The following PARVA variants were observed in gnomAD, a reference collection of about 807,000 sequenced individuals.
The protein encoded by PARVA is parvin alpha.
Under a neutral mutation model 52.6 loss-of-function variants are expected in PARVA, and 25 were observed. The ratio of observed to expected loss-of-function variants is 0.48; its 90% CI spans 0.35 to 0.66. The LOEUF (loss-of-function observed/expected upper bound fraction) is 0.66, where lower values mean the gene tolerates loss of function less well. PARVA is among the 30% of genes least tolerant of loss of function. PARVA has a pLI of 0.01. For missense variants in PARVA, 373 were observed against 450.9 expected (o/e 0.83, Z 1.56); for synonymous variants, 185 against 179.1 (o/e 1.03, Z -0.26).
intron 1 of PARVA, among the ~76,000 whole-genome samples, chr11:12,439,730 CTT>C (rs1940436611): frequency 6.6e-6 from 1 of 152,202 alleles, no homozygotes; most frequent in Non-Finnish European, 1.5e-5. Flanking sequence ...CCTCCCTCTG[CTT>C]TCTCTGCCCC....
In PARVA at chr11:12,427,837, G is replaced by A. The variant is rs181269862; in HGVS notation, c.137-45908G>A. Among the ~76,000 whole-genome samples, 42 of 152,320 alleles carry A rather than the reference G, an allele frequency of 2.8e-4. No homozygotes were observed. The East Asian group carries it at 7.9e-3, about 29-fold the overall frequency. ...GTGGTTAGAAGTCAGTTGCCCTCAGGTTCTCAAACTGAGAGATGAGGAAGC... is the reference window on the plus strand; with the variant it reads ...GTGGTTAGAAGTCAGTTGCCCTCAGATTCTCAAACTGAGAGATGAGGAAGC... On this transcript the variant is annotated intron_variant, in intron 1 of 12. Transcript: ENST00000334956.
rs189460592 is a variant in PARVA, at chr11:12,395,199, A to G, written c.136+17416A>G. Among the ~76,000 whole-genome samples the G allele has an allele frequency of 3.9e-5, 6 of 152,276 alleles. No individual in the cohort carries two copies. In the East Asian group the frequency reaches 7.7e-4, roughly 20 times the overall value. On this transcript the variant is annotated intron_variant, in intron 1 of 12. Transcript: ENST00000334956. ...TCACGTTTGGTTGAAAAAAGTCCAC[A>G]TATAAGTGGGTCTTACAACTCAAAC... is the stretch of plus-strand genomic sequence containing the variant.
intron 8 of PARVA, 129 bp downstream of exon 8, chr11:12,511,662 T>C: frequency 2.1e-6 from 2 of 942,870 alleles, no homozygotes; most frequent in Non-Finnish European, 3.4e-6. Flanking sequence ...CTGGGTGACA[T>C]GGCCAATTGG....
At chr11:12,471,730 C>A (rs866266534) in intron 1 of PARVA, among the ~76,000 whole-genome samples, 2 of 152,220 alleles carry the variant, frequency 1.3e-5, no homozygotes, top group African/African-American at 4.8e-5. Flanking sequence ...CCATTGAGTA[C>A]TTGAAATGTG....
At chr11:12,511,377 C>A in intron 7 of PARVA, 137 bp from the exon 8 acceptor site, 2 of 831,594 alleles carry the variant, frequency 2.4e-6, no homozygotes, top group Non-Finnish European at 3.9e-6. Flanking sequence ...GCTTTTTGAG[C>A]TCCTCAACCA....
At chr11:12,413,599 A>G (rs1250073614) in intron 1 of PARVA, among the ~76,000 whole-genome samples, 1 of 152,252 alleles carries the variant, frequency 6.6e-6, no homozygotes, top group East Asian at 1.9e-4. Context: ...CACATTTTTA[A>G]GAAGCAGACT....
At chr11:12,407,052 A>G (rs1291282580) in intron 1 of PARVA, among the ~76,000 whole-genome samples, 1 of 152,192 alleles carries the variant, frequency 6.6e-6, no homozygotes, top group Non-Finnish European at 1.5e-5. Context: ...AGACCCTAGA[A>G]TATATTCATT....
In PARVA at chr11:12,428,274, A is replaced by G. The variant is rs1940265771; in HGVS notation, c.137-45471A>G. ...AATATGGTTTTTCTATATCGTGTGC[A>G]GGCCACTTCAGCTTCCTTTTCCATA... On this transcript the variant is annotated intron_variant, in intron 1 of 12. Coordinates refer to ENST00000334956, the MANE Select transcript of PARVA (RefSeq NM_018222.5). Among the ~76,000 whole-genome samples the G allele has an allele frequency of 2.0e-5, 3 of 152,220 alleles. No individual in the cohort carries two copies. The South Asian group carries it at 6.2e-4, about 32-fold the overall frequency.
At chr11:12,449,069 T>C (rs1940586478) in intron 1 of PARVA, among the ~76,000 whole-genome samples, 1 of 152,160 alleles carries the variant, frequency 6.6e-6, no homozygotes, top group Admixed American at 6.5e-5. Context: ...TTAGGCATGA[T>C]GTTTGTTTTG....
intron 8 of PARVA, 121 bp downstream of exon 8, chr11:12,511,654 G>C (rs894424762): frequency 1.9e-6 from 2 of 1,029,048 alleles, no homozygotes; most frequent in African/African-American, 3.2e-5. Context: ...TCACCAGCCT[G>C]GGTGACATGG....
chr11:12,414,617 T>C (rs1940038437), intron 1 of PARVA, among the ~76,000 whole-genome samples: 1 of 149,406 alleles, frequency 6.7e-6, no homozygotes, highest in African/African-American at 2.5e-5. Context: ...CATTCTTGTC[T>C]TATGGCTGCT....
intron 1 of PARVA, among the ~76,000 whole-genome samples, chr11:12,434,325 T>A (rs773051410): frequency 5.9e-5 from 9 of 152,210 alleles, no homozygotes; most frequent in Non-Finnish European, 1.0e-4. Flanking sequence ...AATTCTGCAT[T>A]CCCACTGCTT....
At chr11:12,430,916 G>A (rs528568848) in intron 1 of PARVA, among the ~76,000 whole-genome samples, 5 of 152,136 alleles carry the variant, frequency 3.3e-5, no homozygotes, top group Non-Finnish European at 5.9e-5. Flanking sequence ...ATTCCTAATC[G>A]CAAAAGCACA....
intron 4 of PARVA, among the ~76,000 whole-genome samples, chr11:12,490,527 AAAGAG>A (rs1941222490): frequency 1.5e-5 from 2 of 135,020 alleles, no homozygotes; most frequent in African/African-American, 5.0e-5. Context: ...AAAAAAAAAA[AAAGAG>A]AGAGAGAGAA....
chr11:12,436,764 G>A (rs1940393409), intron 1 of PARVA, among the ~76,000 whole-genome samples: 1 of 152,062 alleles, frequency 6.6e-6, no homozygotes, highest in Admixed American at 6.5e-5. Context: ...GAAGAAGTGT[G>A]GGGTTAGATT....
chr11:12,455,074 T>C (rs1940677574), intron 1 of PARVA, among the ~76,000 whole-genome samples: 1 of 152,200 alleles, frequency 6.6e-6, no homozygotes, highest in Admixed American at 6.5e-5. Context: ...CTTTGCTACT[T>C]GTATCTTGAT....
intron 5 of PARVA, among the ~76,000 whole-genome samples, chr11:12,498,095 G>A (rs532168169): frequency 2.0e-5 from 3 of 152,180 alleles, no homozygotes; most frequent in South Asian, 4.2e-4. Context: ...GGGCAGTGGT[G>A]CAATCTCAGC....
chr11:12,443,834 C>T (rs1940504975), intron 1 of PARVA, among the ~76,000 whole-genome samples: 1 of 152,156 alleles, frequency 6.6e-6, no homozygotes, highest in African/African-American at 2.4e-5. Flanking sequence ...GGGCTTGCTT[C>T]TTCTCCTCTA....
chr11:12,471,562 G>T (rs12289508), intron 1 of PARVA, among the ~76,000 whole-genome samples: 59 of 150,682 alleles, frequency 3.9e-4, no homozygotes, highest in African/African-American at 1.4e-3. Context: ...GCAGCGACGT[G>T]GATGGAGCTG....
Sources: allele counts gnomAD v4.1 joint callset (sites outside exome capture counted in the v4.1 genomes callset), GRCh38; gene constraint gnomAD v4.1.1; transcripts MANE v1.5; gene names NCBI Gene and HGNC (gene_info 2026-07-23, HGNC 2026-07-21).